DNAH17: variants seen among roughly 807,000 people sequenced by gnomAD.
DNAH17 encodes the protein axonemal beta dynein heavy chain 17.
Under a neutral mutation model 485.6 loss-of-function variants are expected in DNAH17, and 376 were observed. The observed-to-expected ratio is 0.77, with a 90% CI of 0.71 to 0.84. DNAH17 has a LOEUF of 0.84. Among genes scored for constraint, DNAH17 ranks in the 40% least tolerant of loss-of-function variants. DNAH17 has a pLI of 0.00. For synonymous variants in DNAH17, 3,031 were observed against 2,405.9 expected (o/e 1.26, Z -7.60); for missense variants, 6,370 against 5,839.3 (o/e 1.09, Z -2.96).
rs146825560 is a variant in DNAH17, at chr17:78,441,895, A to C, written c.11529-696T>G. Among the ~76,000 whole-genome samples, 882 of 152,050 alleles carry C rather than the reference A, an allele frequency of 5.8e-3. 5 individuals are homozygous for C. The highest frequency in any genetic ancestry group is 0.021 in the African/African-American group (851 of 41,460). On this transcript the variant is annotated intron_variant, in intron 71 of 80. Transcript: ENST00000389840. Reference sequence around the variant, plus strand: ...AGGTTAGGAGTTTGAGACCAGCCTGACCAACATGACAAAACCCTCTCTACT... The same window carrying C: ...AGGTTAGGAGTTTGAGACCAGCCTGCCCAACATGACAAAACCCTCTCTACT...
At chr17:78,483,051 G>A (rs2089419932) in intron 48 of DNAH17, among the ~76,000 whole-genome samples, 1 of 152,180 alleles carries the variant, frequency 6.6e-6, no homozygotes, top group Non-Finnish European at 1.5e-5. Flanking sequence ...CCTGCAGAGA[G>A]GAACGGGTGG....
At chr17:78,500,014 A>G (rs1174211936) in intron 36 of DNAH17, 1 of 354,070 alleles carries the variant, frequency 2.8e-6, no homozygotes, top group South Asian at 3.1e-5. Flanking sequence ...CCCTGTGCGG[A>G]GTCCCCAGTT....
chr17:78,433,076 C>T (rs75751676), intron 75 of DNAH17, among the ~76,000 whole-genome samples: 1 of 152,118 alleles, frequency 6.6e-6, no homozygotes, highest in Non-Finnish European at 1.5e-5. Context: ...CTTGCTCTCT[C>T]TGAGCCAGGG....
intron 71 of DNAH17, among the ~76,000 whole-genome samples, chr17:78,441,960 G>A (rs1351928477): frequency 6.6e-6 from 1 of 152,152 alleles, no homozygotes; most frequent in Non-Finnish European, 1.5e-5. Flanking sequence ...GCACAGGCCT[G>A]TAATTCCAGC....
chr17:78,550,930 G>C (rs912519603), intron 16 of DNAH17, among the ~76,000 whole-genome samples: 2 of 152,154 alleles, frequency 1.3e-5, no homozygotes, highest in Non-Finnish European at 2.9e-5. Flanking sequence ...ATTGAAAATT[G>C]AATCAGAGCC....
Position 78,571,350 on chromosome 17 carries a change from A to G in DNAH17, c.761T>C (p.Val254Ala), listed in dbSNP as rs1422097264. The change falls in exon 5 of 81, where the codon GTT becomes GCT. Residue 254 changes from valine (V) to alanine (A), a missense_variant. Coordinates refer to ENST00000389840, the MANE Select transcript of DNAH17 (RefSeq NM_173628.4). ...GCTTTTGGCTTTCTCTAGGATCTCA[A>G]CAATCTTGTTCACTTTGGGTCTGTT... ...QLNRPKVNKIVEILEKAKSCY... is the reference protein window; with the variant it reads ...QLNRPKVNKIAEILEKAKSCY... 7.4e-6 allele frequency: 12 copies of G among 1,613,742 alleles called. No individual in the cohort carries two copies. Among genetic ancestry groups the G allele is most frequent in the Non-Finnish European group, 1.0e-5 (12 of 1,179,798 alleles).
chr17:78,478,926 A>T, intron 51 of DNAH17, 99 bp downstream of exon 51: 1 of 918,290 alleles, frequency 1.1e-6, no homozygotes, highest in Non-Finnish European at 1.7e-6. Flanking sequence ...CACCACCATC[A>T]TCAGTCCACA....
chr17:78,454,088 T>A (rs1025406507), intron 64 of DNAH17, among the ~76,000 whole-genome samples: 3 of 152,110 alleles, frequency 2.0e-5, no homozygotes, highest in African/African-American at 4.8e-5. Flanking sequence ...CCAGCACCGC[T>A]AGGAAGCAGG....
At position 78,429,166 on chromosome 17, in the gene DNAH17, G is replaced by A. The variant is rs112925846; in HGVS notation, c.12360C>T (p.Val4120=). 3.1e-6 allele frequency: 5 copies of A among 1,613,630 alleles called. No homozygotes were observed. Among genetic ancestry groups the A allele is most frequent in the Middle Eastern group, 3.3e-4 (2 of 6,084 alleles). ...GGATCTGAAAGCCGGGGGCCAGCAGGACGTCTCCCTCCAGCATCTCCGTCC... is the reference window on the plus strand; with the variant it reads ...GGATCTGAAAGCCGGGGGCCAGCAGAACGTCTCCCTCCAGCATCTCCGTCC... ...YIRTEMLEGD[V]LLAPGFQIPP... is the part of the protein sequence containing the mutation. The change falls in exon 76 of 81, where the codon GTC becomes GTT. Residue 4120 remains valine, a synonymous_variant. Transcript: ENST00000389840.
At chr17:78,543,435 C>T (rs1477906950) in intron 17 of DNAH17, among the ~76,000 whole-genome samples, 5 of 152,076 alleles carry the variant, frequency 3.3e-5, no homozygotes, top group East Asian at 1.9e-4. Flanking sequence ...GGACTACAAG[C>T]GCCCGCCACC....
Position 78,501,784 on chromosome 17 carries a change from A to C in DNAH17, c.5280T>G (p.Asp1760Glu), listed in dbSNP as rs1233459606. ...TGGCCACCACGTCCCGTGCGTGCAC[A>C]TCGATGGTGCAGATGGTCATGATCT... ...RMKIMTICTI[D>E]VHARDVVAKM... The change falls in exon 34 of 81, where the codon GAT (aspartate) becomes GAG (glutamate). Residue 1760 changes from aspartate (D) to glutamate (E), a missense_variant. Transcript: ENST00000389840. 1 of 1,613,822 alleles carries C rather than the reference A, an allele frequency of 6.2e-7. No homozygotes were observed. The highest frequency in any genetic ancestry group is 8.5e-7 in the Non-Finnish European group (1 of 1,179,906).
chr17:78,458,450 G>T, intron 62 of DNAH17, 115 bp downstream of exon 62: 1 of 840,964 alleles, frequency 1.2e-6, no homozygotes, highest in Non-Finnish European at 2.0e-6. Context: ...AGTGAAAGTG[G>T]CAACCTGGCT....
At chr17:78,486,192 G>A in intron 45 of DNAH17, 32 bp downstream of exon 45, 1 of 1,591,256 alleles carries the variant, frequency 6.3e-7, no homozygotes, top group African/African-American at 1.3e-5. Flanking sequence ...GAGAGACCCT[G>A]TGTGGGTGGC....
chr17:78,423,825 A>G lies in DNAH17; in HGVS notation c.*81T>C, dbSNP rs1056034513. 1 of 1,531,416 alleles carries G rather than the reference A, an allele frequency of 6.5e-7. No homozygotes were observed. The highest frequency in any genetic ancestry group is 1.4e-5 in the African/African-American group (1 of 72,574). 94.9% of individuals were successfully genotyped at this position (1,531,416 alleles called of 1,614,324 possible). A position where few individuals can be genotyped will look rare whatever the true frequency, so the allele number is the denominator to read the frequency against. ...CGAAAAACCACCACCAGTTCCTGTA[A>G]AGAATAAGTCACAGGTGCACAGGTG... On this transcript the variant is annotated 3_prime_UTR_variant, in exon 81 of 81. Coordinates refer to ENST00000389840, the MANE Select transcript of DNAH17 (RefSeq NM_173628.4).
intron 1 of DNAH17, among the ~76,000 whole-genome samples, chr17:78,575,413 C>G (rs951266094): frequency 1.3e-5 from 2 of 152,132 alleles, no homozygotes; most frequent in African/African-American, 4.8e-5. Context: ...CGCAACCAGA[C>G]AGTGTGAAGG....
intron 71 of DNAH17, among the ~76,000 whole-genome samples, chr17:78,442,804 G>A (rs541896131): frequency 6.6e-5 from 10 of 152,332 alleles, no homozygotes; most frequent in Middle Eastern, 3.4e-3. Context: ...TGTTGCGCAC[G>A]TGGGGGTGGC....
rs929843745 is a variant in DNAH17 at position 78,571,523 on chromosome 17, C to T, written c.732+67G>A. The T allele has an allele frequency of 1.7e-5, 27 of 1,578,870 alleles. No individual in the cohort carries two copies. The East Asian group carries it at 2.9e-4, about 17-fold the overall frequency. On this transcript the variant is annotated intron_variant, in intron 4 of 80. Coordinates refer to ENST00000389840, the MANE Select transcript of DNAH17 (RefSeq NM_173628.4). ...CTCCTGGGAGGTTGGCACTGGGAGG[C>T]GGAGAGCTCGGCCCGGTCGCCCAGC...
chr17:78,445,704 C>T (rs1385822987), intron 69 of DNAH17, 24 bp from the exon 70 acceptor site: 16 of 1,583,212 alleles, frequency 1.0e-5, no homozygotes, highest in African/African-American at 5.4e-5. Flanking sequence ...GAGGTGTACA[C>T]ACTTAACGCA....
At chr17:78,467,561 G>A (rs1474084164) in intron 55 of DNAH17, among the ~76,000 whole-genome samples, 1 of 152,156 alleles carries the variant, frequency 6.6e-6, no homozygotes. Flanking sequence ...AGAGGGGAGG[G>A]AGGACCCTGC....
Sources: gnomAD v4.1 joint callset for allele counts (sites outside exome capture counted in the v4.1 genomes callset) on GRCh38, gnomAD v4.1.1 for gene constraint, MANE v1.5 for transcripts, NCBI Gene and HGNC (gene_info 2026-07-23, HGNC 2026-07-21) for gene names.